CUBN: variants seen among roughly 807,000 people sequenced by gnomAD.
CUBN encodes the protein 460 kDa receptor.
A neutral mutation model predicts 405.3 loss-of-function variants in CUBN; 282 were observed. That is an observed-to-expected ratio of 0.70 (90% CI 0.63 to 0.77). The LOEUF is 0.77. Ranked by LOEUF, CUBN falls within the 30% of genes least tolerant of loss-of-function variation. The pLI is 0.00. For synonymous variants in CUBN, 1,684 were observed against 1,617.0 expected (o/e 1.04, Z -0.99); for missense variants, 4,514 against 4,475.2 (o/e 1.01, Z -0.25).
At chr10:17,026,394 A>G (rs1834663846) in intron 27 of CUBN, among the ~76,000 whole-genome samples, 1 of 152,172 alleles carries the variant, frequency 6.6e-6, no homozygotes, top group African/African-American at 2.4e-5. Flanking sequence ...GCCCTTAGGG[A>G]AGCCGAAGCG....
At position 16,884,389 on chromosome 10, in the gene CUBN, A is replaced by AT. The variant is rs10713094; in HGVS notation, c.8905+4027dup. ...ATGAAGTAAGAAAACTGGATCTATA[A>AT]TTTTTTTTTTTTTTAGCAGATTGAG... On this transcript the variant is annotated intron_variant, in intron 56 of 66. Transcript: ENST00000377833. 7.4e-3 allele frequency among the ~76,000 whole-genome samples: 1,096 copies of AT among 148,834 alleles called. 7 individuals carry two copies. The highest frequency in any genetic ancestry group is 9.7e-3 in the Non-Finnish European group (654 of 67,224).
intron 59 of CUBN, among the ~76,000 whole-genome samples, chr10:16,861,202 C>T (rs1162643808): frequency 1.3e-5 from 2 of 151,282 alleles, no homozygotes; most frequent in African/African-American, 4.9e-5. Context: ...CACTCTGTCA[C>T]CCAGGCTGGA....
At chr10:16,915,403 T>C (rs1210591636) in intron 46 of CUBN, among the ~76,000 whole-genome samples, 1 of 152,122 alleles carries the variant, frequency 6.6e-6, no homozygotes, top group Non-Finnish European at 1.5e-5. Flanking sequence ...CTCAGCACAA[T>C]GAGGAAGGCT....
chr10:16,905,280 C>T (rs1841523910), intron 50 of CUBN, among the ~76,000 whole-genome samples: 1 of 152,134 alleles, frequency 6.6e-6, no homozygotes, highest in Non-Finnish European at 1.5e-5. Flanking sequence ...ATAACCTACA[C>T]CTTGACTATG....
At chr10:16,892,732 G>A (rs898379226) in intron 54 of CUBN, among the ~76,000 whole-genome samples, 4 of 152,006 alleles carry the variant, frequency 2.6e-5, no homozygotes, top group African/African-American at 9.7e-5. Context: ...GGACTCAACT[G>A]ATCTGCCTGT....
At chr10:16,827,492 A>G (rs1838817820) in intron 66 of CUBN, among the ~76,000 whole-genome samples, 1 of 152,242 alleles carries the variant, frequency 6.6e-6, no homozygotes, top group Non-Finnish European at 1.5e-5. Flanking sequence ...AACCATCTAG[A>G]TTTCCAGCTG....
chr10:16,982,418 T>C (rs776210928), intron 31 of CUBN, 66 bp downstream of exon 31: 5 of 1,388,878 alleles, frequency 3.6e-6, no homozygotes, highest in Non-Finnish European at 4.1e-6. Flanking sequence ...TCACTAAATA[T>C]GCTTATATGG....
intron 59 of CUBN, among the ~76,000 whole-genome samples, chr10:16,862,606 A>G (rs1175426109): frequency 1.3e-5 from 2 of 152,186 alleles, no homozygotes; most frequent in Non-Finnish European, 2.9e-5. Flanking sequence ...TCCCACTATT[A>G]TATTTCCTAA....
At chr10:16,846,696 C>A (rs577159498) in intron 60 of CUBN, among the ~76,000 whole-genome samples, 15 of 151,802 alleles carry the variant, frequency 9.9e-5, no homozygotes, top group African/African-American at 3.6e-4. Flanking sequence ...TCTGTAATCC[C>A]AGCAACTTGG....
chr10:16,977,407 G>A (rs1014210765), intron 31 of CUBN, among the ~76,000 whole-genome samples: 1 of 152,166 alleles, frequency 6.6e-6, no homozygotes, highest in Non-Finnish European at 1.5e-5. Flanking sequence ...CAGAGAAAGA[G>A]AGAAGAGAAG....
At chr10:17,092,957 T>G (rs112655694) in intron 14 of CUBN, among the ~76,000 whole-genome samples, 31 of 152,366 alleles carry the variant, frequency 2.0e-4, no homozygotes, top group African/African-American at 7.2e-4. Context: ...AATTATTGTT[T>G]GTTTGTTTTA....
chr10:16,903,776 C>T (rs1269683777), intron 51 of CUBN, among the ~76,000 whole-genome samples, 190 bp downstream of exon 51: 11 of 148,788 alleles, frequency 7.4e-5, no homozygotes, highest in African/African-American at 2.7e-4. Flanking sequence ...TTAAATTATG[C>T]AAATTATAAA....
Position 17,047,509 on chromosome 10 carries a change from G to A in CUBN, c.3234C>T (p.Ile1078=). ...YPNNWECIYR[I]TVRTGQLIAV... ...CAATCAGTTGGCCAGTTCTCACTGT[G>A]ATCCGATAAATGCATTCCCAGTTGT... Residue 1078 remains isoleucine (I), a synonymous_variant, in exon 23 of 67, where the codon ATC becomes ATT. Transcript: ENST00000377833. The A allele has an allele frequency of 1.2e-6, 2 of 1,613,912 alleles. No individual in the cohort carries two copies. Among genetic ancestry groups the A allele is most frequent in the Non-Finnish European group, 1.7e-6 (2 of 1,179,818 alleles).
intron 59 of CUBN, among the ~76,000 whole-genome samples, chr10:16,868,186 C>T (rs1230358748): frequency 6.6e-6 from 1 of 152,144 alleles, no homozygotes; most frequent in Non-Finnish European, 1.5e-5. Flanking sequence ...ACTGTTGAGA[C>T]AGCTAAGTAG....
At chr10:16,952,711 A>G (rs894190501) in intron 32 of CUBN, among the ~76,000 whole-genome samples, 3 of 152,250 alleles carry the variant, frequency 2.0e-5, no homozygotes, top group Non-Finnish European at 2.9e-5. Flanking sequence ...AATCATAGGC[A>G]TAGGGATAAT....
In CUBN at chr10:17,104,592, C is replaced by A. The variant is rs745602995; in HGVS notation, c.1244G>T (p.Gly415Val). ...LNGQCIDTVS[G>V]YFCKCDSGWT... is the part of the protein sequence containing the mutation. Reference sequence around the variant, plus strand: ...ACCTGAGTCACACTTACAAAAATAACCAGAGACAGTGTCCTAAGGGGAAAA... The same window carrying A: ...ACCTGAGTCACACTTACAAAAATAAACAGAGACAGTGTCCTAAGGGGAAAA... Residue 415 changes from glycine to valine, a missense_variant, in exon 12 of 67, where the codon GGT becomes GTT. By Grantham distance (109) the Gly-to-Val change is moderately radical. Transcript: ENST00000377833. 5.6e-6 allele frequency: 9 copies of A among 1,613,010 alleles called. No homozygotes were observed. Among genetic ancestry groups the A allele is most frequent in the Non-Finnish European group, 7.6e-6 (9 of 1,179,710 alleles).
intron 27 of CUBN, among the ~76,000 whole-genome samples, chr10:17,025,897 C>G (rs866055002): frequency 6.6e-6 from 1 of 151,960 alleles, no homozygotes; most frequent in East Asian, 1.9e-4. Context: ...GAAGGGATTG[C>G]GGGAGGACAG....
At chr10:17,081,353 G>C (rs1041589263) in intron 17 of CUBN, among the ~76,000 whole-genome samples, 64 of 152,174 alleles carry the variant, frequency 4.2e-4, no homozygotes, top group African/African-American at 1.5e-3. Flanking sequence ...CATCTCTGTA[G>C]AATTTCTTTT....
intron 28 of CUBN, among the ~76,000 whole-genome samples, chr10:17,005,093 C>T (rs970920294): frequency 1.3e-5 from 2 of 152,132 alleles, no homozygotes; most frequent in Non-Finnish European, 2.9e-5. Context: ...CTAAAGTGTA[C>T]TTCTGTTTGC....
Sources: gnomAD v4.1 joint callset for allele counts (sites outside exome capture counted in the v4.1 genomes callset) on GRCh38, gnomAD v4.1.1 for gene constraint, MANE v1.5 for transcripts, NCBI Gene and HGNC (gene_info 2026-07-23, HGNC 2026-07-21) for gene names.